LRP1B: variants seen among roughly 807,000 people sequenced by gnomAD.
The protein encoded by LRP1B is LDL receptor related protein 1B.
Under a neutral mutation model 556.6 loss-of-function variants are expected in LRP1B, and 217 were observed. The ratio of observed to expected loss-of-function variants is 0.39; its 90% CI spans 0.35 to 0.44. LRP1B has a LOEUF of 0.44. Among genes scored for constraint, LRP1B ranks in the 20% least tolerant of loss-of-function variants. LRP1B has a pLI of 1.00. For synonymous variants in LRP1B, 2,047 were observed against 1,865.8 expected (o/e 1.10, Z -2.50); for missense variants, 5,053 against 5,620.8 (o/e 0.90, Z 3.23).
chr2:140,409,481 T>C (rs1684882115), intron 66 of LRP1B, among the ~76,000 whole-genome samples: 1 of 152,034 alleles, frequency 6.6e-6, no homozygotes, highest in South Asian at 2.1e-4. Flanking sequence ...TTTTATTGTA[T>C]TGGCATATTT....
At chr2:141,871,894 T>G (rs1282859925) in intron 1 of LRP1B, among the ~76,000 whole-genome samples, 1 of 151,848 alleles carries the variant, frequency 6.6e-6, no homozygotes, top group Admixed American at 6.6e-5. Flanking sequence ...TACTAAACAC[T>G]TCAAATGATG....
At chr2:141,570,516 G>A (rs2105262386) in intron 2 of LRP1B, among the ~76,000 whole-genome samples, 1 of 151,486 alleles carries the variant, frequency 6.6e-6, no homozygotes, top group South Asian at 2.1e-4. Flanking sequence ...ATCTGCTTAA[G>A]CCTACTGATC....
chr2:140,412,413 T>G (rs995938275), intron 66 of LRP1B, among the ~76,000 whole-genome samples: 2 of 152,034 alleles, frequency 1.3e-5, no homozygotes, highest in African/African-American at 4.8e-5. Context: ...ACTAGATATA[T>G]TATATTGTGG....
At chr2:141,079,985 T>G (rs1181253041) in intron 7 of LRP1B, among the ~76,000 whole-genome samples, 1 of 152,342 alleles carries the variant, frequency 6.6e-6, no homozygotes, top group African/African-American at 2.4e-5. Flanking sequence ...TTTATGCCAA[T>G]ATGCTCCACG....
chr2:140,504,966 T>C (rs890929119), intron 53 of LRP1B, among the ~76,000 whole-genome samples: 10 of 152,232 alleles, frequency 6.6e-5, no homozygotes, highest in Non-Finnish European at 1.5e-4. Flanking sequence ...TGTTTCAAAA[T>C]GTACACTGGC....
intron 2 of LRP1B, among the ~76,000 whole-genome samples, chr2:141,780,108 TAATGA>T (rs1695204118): frequency 6.6e-6 from 1 of 150,578 alleles, no homozygotes; most frequent in Non-Finnish European, 1.5e-5. Context: ...AAATGCAATG[TAATGA>T]AAACATATTA....
At chr2:142,086,632 CAAACAAACA>C (rs1284746373) in intron 1 of LRP1B, among the ~76,000 whole-genome samples, 222 of 28,840 alleles carry the variant, frequency 7.7e-3, no homozygotes, top group African/African-American at 0.014. Flanking sequence ...AACAAACAAA[CAAACAAACA>C]AAAAAAAAAC....
chr2:140,324,904 T>C (rs1425314615), intron 80 of LRP1B, among the ~76,000 whole-genome samples: 2 of 144,752 alleles, frequency 1.4e-5, no homozygotes, highest in South Asian at 4.3e-4. Flanking sequence ...GGCCATTGAT[T>C]AAAAAAAAAA....
At chr2:141,624,905 G>T (rs1422847999) in intron 2 of LRP1B, among the ~76,000 whole-genome samples, 1 of 152,078 alleles carries the variant, frequency 6.6e-6, no homozygotes, top group African/African-American at 2.4e-5. Flanking sequence ...AAGTAGCTGG[G>T]ACTACAGGCG....
chr2:141,977,248 A>G (rs2105087631), intron 1 of LRP1B, among the ~76,000 whole-genome samples: 1 of 152,262 alleles, frequency 6.6e-6, no homozygotes, highest in African/African-American at 2.4e-5. Flanking sequence ...TATGTTTACT[A>G]GCATCTATAA....
chr2:140,285,012 CTGTG>C (rs386391339), intron 84 of LRP1B, among the ~76,000 whole-genome samples: 10 of 140,848 alleles, frequency 7.1e-5, no homozygotes, highest in African/African-American at 1.8e-4. Context: ...AGATATCTCT[CTGTG>C]TGTGTGTGTG....
At chr2:142,004,613 A>AG (rs570785717) in intron 1 of LRP1B, among the ~76,000 whole-genome samples, 10 of 152,188 alleles carry the variant, frequency 6.6e-5, no homozygotes, top group Admixed American at 1.3e-4. Context: ...TGGGAGGCTG[A>AG]GGGGGGTGGA....
In LRP1B at chr2:140,761,703, G is replaced by A. The variant is rs541080616; in HGVS notation, c.5758+7510C>T. 1.2e-3 allele frequency among the ~76,000 whole-genome samples: 184 copies of A among 152,200 alleles called. 1 individual carries two copies. The highest frequency in any genetic ancestry group is 2.9e-3 in the African/African-American group (120 of 41,540). On this transcript the variant is annotated intron_variant, in intron 35 of 90. Coordinates refer to ENST00000389484, the MANE Select transcript of LRP1B (RefSeq NM_018557.3). ...GAATCCTGCCAACAGCCCCATGAGCGAGCTTGGTAGTGAATCCTCCCTAAC... is the reference window on the plus strand; with the variant it reads ...GAATCCTGCCAACAGCCCCATGAGCAAGCTTGGTAGTGAATCCTCCCTAAC...
At chr2:141,433,064 A>G (rs981498146) in intron 3 of LRP1B, among the ~76,000 whole-genome samples, 3 of 152,094 alleles carry the variant, frequency 2.0e-5, no homozygotes, top group African/African-American at 7.2e-5. Flanking sequence ...CATTAGCTGC[A>G]TAAATTTTGG....
intron 3 of LRP1B, among the ~76,000 whole-genome samples, chr2:141,320,442 G>A (rs112126496): frequency 0.022 from 3,365 of 152,042 alleles, 65 homozygotes; most frequent in Non-Finnish European, 0.035. Flanking sequence ...TACGGAGTAC[G>A]GGCGGTGAGG....
intron 1 of LRP1B, among the ~76,000 whole-genome samples, chr2:142,078,235 A>G (rs1377242330): frequency 6.6e-6 from 1 of 152,112 alleles, no homozygotes; most frequent in Non-Finnish European, 1.5e-5. Context: ...GGAAAACTGC[A>G]TGATAACCAA....
chr2:142,122,434 T>A (rs1242873587), intron 1 of LRP1B, among the ~76,000 whole-genome samples: 1 of 152,092 alleles, frequency 6.6e-6, no homozygotes, highest in African/African-American at 2.4e-5. Context: ...AATTCAACAT[T>A]TAGATTTAGA....
At chr2:141,822,130 C>CACACACAGAGAGAGAGAG (rs374369026) in intron 1 of LRP1B, among the ~76,000 whole-genome samples, 11 of 95,896 alleles carry the variant, frequency 1.1e-4, no homozygotes, top group African/African-American at 4.5e-4. Flanking sequence ...CACACACACA[C>CACACACAGAGAGAGAGAG]AGAGAGAGAG....
chr2:142,042,323 T>C (rs1445379478), intron 1 of LRP1B, among the ~76,000 whole-genome samples: 2 of 151,416 alleles, frequency 1.3e-5, no homozygotes, highest in African/African-American at 4.8e-5. Context: ...TAGGTAAGAA[T>C]AATGATAACC....
Sources: gnomAD v4.1 joint callset for allele counts (sites outside exome capture counted in the v4.1 genomes callset) on GRCh38, gnomAD v4.1.1 for gene constraint, MANE v1.5 for transcripts, NCBI Gene and HGNC (gene_info 2026-07-23, HGNC 2026-07-21) for gene names.